DNAH2: variants seen among roughly 807,000 people sequenced by gnomAD.
The protein encoded by DNAH2 is axonemal beta dynein heavy chain 2.
Under a neutral mutation model 523.5 loss-of-function variants are expected in DNAH2, and 323 were observed. The ratio of observed to expected loss-of-function variants is 0.62; its 90% CI spans 0.56 to 0.68. The LOEUF (loss-of-function observed/expected upper bound fraction) is 0.68. DNAH2 is among the 30% of genes least tolerant of loss of function. DNAH2 has a pLI of 0.00. For synonymous variants in DNAH2, 2,093 were observed against 2,177.4 expected, an observed-to-expected ratio of 0.96 and a Z score of 1.08; for missense variants, 4,907 against 5,701.5, an observed-to-expected ratio of 0.86 and a Z score of 4.49.
chr17:7,750,386 C>T (rs2075650943), intron 12 of DNAH2, among the ~76,000 whole-genome samples: 1 of 152,206 alleles, frequency 6.6e-6, no homozygotes, highest in African/African-American at 2.4e-5. Context: ...AGCAGTTACC[C>T]CGGGACTTCC....
intron 4 of DNAH2, among the ~76,000 whole-genome samples, chr17:7,729,927 G>A (rs1192574412): frequency 6.6e-6 from 1 of 152,122 alleles, no homozygotes; most frequent in Admixed American, 6.5e-5. Context: ...CAGTACATTA[G>A]AGCAAAAAGA....
chr17:7,726,241 G>A (rs528050812), intron 3 of DNAH2, among the ~76,000 whole-genome samples: 4 of 151,516 alleles, frequency 2.6e-5, no homozygotes, highest in African/African-American at 7.3e-5. Context: ...CCTGACCTCA[G>A]GTGATCCACC....
intron 18 of DNAH2, among the ~76,000 whole-genome samples, chr17:7,762,622 C>T (rs894521073): frequency 2.6e-5 from 4 of 152,066 alleles, no homozygotes; most frequent in Admixed American, 6.5e-5. Flanking sequence ...GCCTGAGCCA[C>T]CAAGCCCGGC....
chr17:7,807,259 T>A lies in DNAH2; in HGVS notation c.9552T>A (p.Asp3184Glu), dbSNP rs745979260. Residue 3184 changes from aspartate to glutamate, a missense_variant, in exon 62 of 86, where the codon GAT (aspartate) becomes GAA (glutamate). Around this residue, in one of 3 missense-constraint regions of DNAH2, gnomAD observed 1,851 missense variants for 2,139.4 expected, o/e 0.87. Transcript: ENST00000572933. This position sits in a 1 kb window ranked among gnomAD's most constrained non-coding sequence, Gnocchi z 5.6. ...AYCAQPDFQP[D>E]IIGRVSLAAK... ...GCGCCCAGCCTGACTTCCAGCCTGA[T>A]ATCATCGGCCGCGTCTCCCTGGCTG... 3.7e-6 allele frequency: 6 copies of A among 1,613,872 alleles called. No individual in the cohort carries two copies. The African/African-American group carries it at 8.0e-5, about 22-fold the overall frequency.
intron 1 of DNAH2, 26 bp from the exon 2 acceptor site, chr17:7,719,695 G>T (rs1259150802): frequency 6.2e-7 from 1 of 1,613,982 alleles, no homozygotes; most frequent in Non-Finnish European, 8.5e-7. Context: ...TCTGCTTGTA[G>T]ACTCTCCACT....
chr17:7,754,720 TG>T lies in DNAH2; in HGVS notation c.1905-2369del. 8.8e-7 allele frequency: 1 copy of T among 1,141,802 alleles called. No homozygotes were observed. The allele number at this position is 1,141,802 out of a possible 1,614,324, so 70.7% of individuals were successfully genotyped here. On this transcript the variant is annotated intron_variant, in intron 12 of 85. Coordinates refer to ENST00000572933, the MANE Select transcript of DNAH2 (RefSeq NM_020877.5). The surrounding 1 kb of genome is among the most constrained non-coding windows in gnomAD (Gnocchi z 4.6). ...CTTGGGAAGCTTGCTCGTGCCCGCA[TG>T]GCCAAGGGGCTCAGGCTGTGCCGGC...
intron 63 of DNAH2, among the ~76,000 whole-genome samples, chr17:7,814,028 A>G (rs1157197271): frequency 1.3e-5 from 2 of 152,118 alleles, no homozygotes; most frequent in African/African-American, 4.8e-5. Flanking sequence ...TTCTTTATAT[A>G]TAAATGATTC....
chr17:7,758,648 C>A lies in DNAH2; in HGVS notation c.2205C>A (p.Ser735Arg), dbSNP rs369504965. The A allele has an allele frequency of 9.9e-6, 16 of 1,611,834 alleles. No homozygotes were observed. In the African/African-American group the frequency reaches 2.0e-4, roughly 20 times the overall value. ...FFITECRIHA[S>R]KVQMIVNEFK... The stretch of plus-strand genomic sequence containing the variant: ...TCACGGAGTGCCGTATACATGCCAG[C>A]AAGGTGGGCCATGGTCCTTAGACCC... Residue 735 changes from serine (S) to arginine (R), a missense_variant, in exon 14 of 86, where the codon AGC (serine) becomes AGA (arginine). By Grantham distance (110) the Ser-to-Arg change is moderately radical. Transcript: ENST00000572933.
Position 7,767,960 on chromosome 17 carries a change from G to A in DNAH2, c.3736G>A (p.Glu1246Lys), listed in dbSNP as rs772438678. 3 of 1,614,162 alleles carry A rather than the reference G, an allele frequency of 1.9e-6. No individual in the cohort carries two copies. In the South Asian group the frequency reaches 3.3e-5, roughly 18 times the overall value. The change falls in exon 23 of 86, where the codon GAG (glutamate) becomes AAG (lysine). Residue 1246 changes from glutamate to lysine, a missense_variant. Glu to Lys is a moderately conservative substitution (Grantham distance 56). This residue lies in a region of DNAH2 where 2,806 missense variants were observed against 3,190.8 expected (regional missense o/e 0.88). Transcript: ENST00000572933. ...ACGAGACTGGGAGGAGAACTGGAAT[G>A]AGTGGAAGACTGGCCGGTTCCTGAT... is the stretch of plus-strand genomic sequence containing the variant. ...IARDWEENWN[E>K]WKTGRFLILQ...
chr17:7,805,095 G>A, intron 60 of DNAH2, 21 bp downstream of exon 60: 1 of 1,608,986 alleles, frequency 6.2e-7, no homozygotes, highest in South Asian at 1.1e-5. Context: ...CGGGTGCAAG[G>A]ATGGGAGCCA....
intron 5 of DNAH2, 129 bp downstream of exon 5, chr17:7,733,444 T>C: frequency 2.5e-6 from 2 of 786,510 alleles, no homozygotes; most frequent in Non-Finnish European, 2.0e-6. Context: ...ATCGAATTGG[T>C]AGAATAGGGT....
In DNAH2 at chr17:7,737,193, C is replaced by G. The variant is rs768754911; in HGVS notation, c.1105C>G (p.Arg369Gly). 10 of 1,613,932 alleles carry G rather than the reference C, an allele frequency of 6.2e-6. No individual in the cohort carries two copies. Among genetic ancestry groups the G allele is most frequent in the Non-Finnish European group, 8.5e-6 (10 of 1,180,022 alleles). Residue 369 changes from arginine to glycine, a missense_variant, in exon 8 of 86, where the codon CGC (arginine) becomes GGC (glycine). Around this residue, in one of 3 missense-constraint regions of DNAH2, gnomAD observed 2,806 missense variants for 3,190.8 expected, o/e 0.88. Transcript: ENST00000572933. ...SKLPKLISLI[R>G]IIWVNSPHYN... is the part of the protein sequence containing the mutation. ...GCTCCCTAAGCTGATCAGTCTCATC[C>G]GCATCATCTGGGTCAACTCTCCCCA...
At chr17:7,751,183 G>A (rs2075673793) in intron 12 of DNAH2, among the ~76,000 whole-genome samples, 1 of 151,214 alleles carries the variant, frequency 6.6e-6, no homozygotes, top group Non-Finnish European at 1.5e-5. Flanking sequence ...TTGCCCTGTT[G>A]TCCAGTCTGG....
rs2078194676 is a variant in DNAH2 at position 7,832,169 on chromosome 17, G to C, written c.12726+394G>C. Among the ~76,000 whole-genome samples the C allele has an allele frequency of 6.6e-6, 1 of 152,102 alleles. No individual in the cohort carries two copies. Among genetic ancestry groups the C allele is most frequent in the Admixed American group, 6.6e-5 (1 of 15,264 alleles). ...TTGTTCACCTGTAGTTGGGGAACAG[G>C]GGCTGCCACCACATAGTCTTCTCAT... On this transcript the variant is annotated intron_variant, in intron 82 of 85. Transcript: ENST00000572933. The surrounding 1 kb of genome is among the most constrained non-coding windows in gnomAD (Gnocchi z 4.3).
At chr17:7,758,431 C>A in intron 13 of DNAH2, 64 bp from the exon 14 acceptor site, 1 of 1,547,488 alleles carries the variant, frequency 6.5e-7, no homozygotes, top group South Asian at 1.2e-5. Context: ...CCACTGTTTC[C>A]TGAAGTGGAG....
intron 49 of DNAH2, among the ~76,000 whole-genome samples, chr17:7,795,745 C>T (rs2077043959): frequency 6.8e-6 from 1 of 146,568 alleles, no homozygotes; most frequent in South Asian, 2.1e-4. Flanking sequence ...GCCTGTAATC[C>T]CAGCACTTTG....
Position 7,743,042 on chromosome 17 carries a change from T to C in DNAH2, c.1804T>C (p.Trp602Arg). 2 of 1,524,964 alleles carry C rather than the reference T, an allele frequency of 1.3e-6. No individual in the cohort carries two copies. The highest frequency in any genetic ancestry group is 1.8e-6 in the Non-Finnish European group (2 of 1,140,584). 94.5% of individuals were successfully genotyped at this position (1,524,964 alleles called of 1,614,324 possible). Residue 602 changes from tryptophan to arginine, a missense_variant, in exon 12 of 86, where the codon TGG (tryptophan) becomes CGG (arginine). By Grantham distance (101) the Trp-to-Arg change is moderately radical. This residue lies in a region of DNAH2 where 2,806 missense variants were observed against 3,190.8 expected (regional missense o/e 0.88). Coordinates refer to ENST00000572933, the MANE Select transcript of DNAH2 (RefSeq NM_020877.5). ...GCTGGTTCGAAAAACCTTCCAAGAG[T>C]GGACATCAAGTCTGGACAAGGATTG... is the stretch of plus-strand genomic sequence containing the variant. ...DELVRKTFQE[W>R]TSSLDKDCIR...
intron 12 of DNAH2, among the ~76,000 whole-genome samples, chr17:7,753,883 G>A (rs1271059832): frequency 6.6e-6 from 1 of 152,124 alleles, no homozygotes; most frequent in Non-Finnish European, 1.5e-5. Context: ...GGGAGGCAGA[G>A]GTTGCAGTGA....
intron 18 of DNAH2, among the ~76,000 whole-genome samples, chr17:7,762,319 T>G (rs1041834725): frequency 1.3e-5 from 2 of 150,830 alleles, no homozygotes; most frequent in East Asian, 3.9e-4. Context: ...GAAGGGACTT[T>G]GCGTAGGATT....
Sources: allele counts gnomAD v4.1 joint callset (sites outside exome capture counted in the v4.1 genomes callset), GRCh38; gene constraint gnomAD v4.1.1; regional missense constraint gnomAD v4.1.1; non-coding constraint Gnocchi (gnomAD v3.1); transcripts MANE v1.5; gene names NCBI Gene and HGNC (gene_info 2026-07-23, HGNC 2026-07-21).